Variants in CDH8 observed in about 807,000 individuals in gnomAD.
The protein encoded by CDH8 is cadherin 8.
CDH8 carries 17 observed loss-of-function variants against 68.1 expected under a neutral mutation model. That is an observed-to-expected ratio of 0.25 (90% CI 0.17 to 0.37). The LOEUF (loss-of-function observed/expected upper bound fraction) is 0.37, where lower values mean the gene tolerates loss of function less well. CDH8 is among the 10% of genes least tolerant of loss of function. CDH8 has a pLI of 1.00. For synonymous variants in CDH8, 372 were observed against 365.1 expected (o/e 1.02, Z -0.21); for missense variants, 763 against 999.3 (o/e 0.76, Z 3.19).
chr16:61,897,988 T>C (rs914019166), intron 3 of CDH8, among the ~76,000 whole-genome samples: 3 of 152,056 alleles, frequency 2.0e-5, no homozygotes, highest in Admixed American at 2.0e-4. Flanking sequence ...AGGAAAAGTG[T>C]CATTCCAGCC....
At chr16:61,718,627 T>A (rs2142876639) in intron 9 of CDH8, among the ~76,000 whole-genome samples, 1 of 151,454 alleles carries the variant, frequency 6.6e-6, no homozygotes, top group Admixed American at 6.6e-5. Context: ...TCATATTAAC[T>A]TTCCTGAAAT....
chr16:61,859,245 G>T (rs1303778183), intron 3 of CDH8, among the ~76,000 whole-genome samples: 1 of 152,154 alleles, frequency 6.6e-6, no homozygotes, highest in African/African-American at 2.4e-5. Context: ...ATGAACACAT[G>T]AGAGTACAAT....
chr16:61,828,489 T>C (rs1007658444), intron 4 of CDH8, among the ~76,000 whole-genome samples: 3 of 151,796 alleles, frequency 2.0e-5, no homozygotes, highest in African/African-American at 7.3e-5. Context: ...CTGGTAACAA[T>C]AGTATCTACA....
chr16:61,738,738 C>T (rs927433625), intron 8 of CDH8, among the ~76,000 whole-genome samples: 1 of 152,024 alleles, frequency 6.6e-6, no homozygotes, highest in Non-Finnish European at 1.5e-5. Context: ...TTTAAGTATG[C>T]TTACAAATTT....
chr16:61,717,995 G>A (rs894656047), intron 9 of CDH8, among the ~76,000 whole-genome samples: 1 of 151,342 alleles, frequency 6.6e-6, no homozygotes, highest in Non-Finnish European at 1.5e-5. Context: ...ATACATGTGT[G>A]TATGTACATG....
At chr16:61,691,360 C>CT (rs58224041) in intron 10 of CDH8, among the ~76,000 whole-genome samples, 17,399 of 148,358 alleles carry the variant, frequency 0.12, 1,040 homozygotes, top group Non-Finnish European at 0.13. Context: ...TGTGCATTAT[C>CT]TTTTTTTTTT....
intron 2 of CDH8, among the ~76,000 whole-genome samples, chr16:61,992,677 C>A (rs560856406): frequency 6.6e-6 from 1 of 152,262 alleles, no homozygotes; most frequent in Admixed American, 6.5e-5. Context: ...CATTTAACAA[C>A]ATTTACTAAA....
At chr16:61,726,832 A>C in intron 9 of CDH8, 1 of 484,040 alleles carries the variant, frequency 2.1e-6, no homozygotes, top group Non-Finnish European at 3.6e-6. Flanking sequence ...CCATATCCCA[A>C]GATATTTTAA....
chr16:61,997,925 T>C (rs1028185228), intron 2 of CDH8, among the ~76,000 whole-genome samples: 1 of 152,292 alleles, frequency 6.6e-6, no homozygotes, highest in East Asian at 1.9e-4. Context: ...GATATGACAA[T>C]TAAATGCAGT....
chr16:61,941,627 A>G (rs1038635965), intron 2 of CDH8, among the ~76,000 whole-genome samples: 3 of 152,152 alleles, frequency 2.0e-5, no homozygotes, highest in African/African-American at 7.2e-5. Context: ...CTTTTAGTAG[A>G]GACAGGGTTT....
At chr16:62,002,463 G>C (rs934650698) in intron 2 of CDH8, among the ~76,000 whole-genome samples, 5 of 152,200 alleles carry the variant, frequency 3.3e-5, no homozygotes, top group African/African-American at 1.2e-4. Flanking sequence ...AAATACATGA[G>C]TGTATACCTC....
intron 2 of CDH8, among the ~76,000 whole-genome samples, chr16:62,019,661 G>C (rs977934131): frequency 6.6e-6 from 1 of 151,926 alleles, no homozygotes; most frequent in African/African-American, 2.4e-5. Flanking sequence ...GCCTCAAGTC[G>C]GTTCTGCTCC....
intron 10 of CDH8, chr16:61,692,219 T>G (rs1234252657): frequency 6.6e-6 from 1 of 152,110 alleles, no homozygotes; most frequent in African/African-American, 2.4e-5. Context: ...AATGCAAACG[T>G]GATGACCAAT....
At chr16:62,028,258 G>A (rs1363645977) in intron 1 of CDH8, among the ~76,000 whole-genome samples, 3 of 151,380 alleles carry the variant, frequency 2.0e-5, no homozygotes, top group African/African-American at 7.3e-5. Context: ...AGTAAAGATG[G>A]GGTTTCACCA....
intron 3 of CDH8, among the ~76,000 whole-genome samples, chr16:61,861,119 C>T (rs902229676): frequency 6.6e-6 from 1 of 151,962 alleles, no homozygotes; most frequent in African/African-American, 2.4e-5. Flanking sequence ...TAGGTTTTAC[C>T]CTCTGAAAAA....
intron 7 of CDH8, among the ~76,000 whole-genome samples, chr16:61,795,008 C>T (rs1250237792): frequency 6.6e-6 from 1 of 151,838 alleles, no homozygotes; most frequent in Non-Finnish European, 1.5e-5. Flanking sequence ...ATTCAGTTTG[C>T]TTTTTTCTGG....
chr16:61,992,357 C>A (rs1374539907), intron 2 of CDH8, among the ~76,000 whole-genome samples: 2 of 145,992 alleles, frequency 1.4e-5, no homozygotes, highest in South Asian at 4.3e-4. Flanking sequence ...AACCAAACAC[C>A]GCATGTTCTC....
intron 8 of CDH8, among the ~76,000 whole-genome samples, chr16:61,758,458 G>A (rs1960378224): frequency 6.6e-6 from 1 of 152,090 alleles, no homozygotes; most frequent in Admixed American, 6.6e-5. Flanking sequence ...TTGAGATTGA[G>A]TTTTGCTCTT....
At chr16:62,007,758 C>T (rs1901707945) in intron 2 of CDH8, among the ~76,000 whole-genome samples, 1 of 152,066 alleles carries the variant, frequency 6.6e-6, no homozygotes, top group South Asian at 2.1e-4. Flanking sequence ...TGCTTATCCT[C>T]CGCCTTCCCT....
Sources: allele counts gnomAD v4.1 joint callset (sites outside exome capture counted in the v4.1 genomes callset), GRCh38; gene constraint gnomAD v4.1.1; transcripts MANE v1.5; gene names NCBI Gene and HGNC (gene_info 2026-07-23, HGNC 2026-07-21).